SGCZ: variants seen among roughly 807,000 people sequenced by gnomAD.
SGCZ encodes the protein sarcoglycan zeta.
A neutral mutation model predicts 41.3 loss-of-function variants in SGCZ; 40 were observed. That is an observed-to-expected ratio of 0.97 (90% confidence interval 0.75 to 1.26). The LOEUF is 1.26. Ranked by LOEUF, SGCZ falls within the 50% of genes most tolerant of loss-of-function variation. SGCZ has a pLI of 0.00. For synonymous variants in SGCZ, 206 were observed against 137.5 expected (o/e 1.50, Z -3.49); for missense variants, 552 against 369.8 (o/e 1.49, Z -4.04).
At chr8:14,245,534 G>T (rs1344652391) in intron 3 of SGCZ, among the ~76,000 whole-genome samples, 5 of 152,236 alleles carry the variant, frequency 3.3e-5, no homozygotes, top group Admixed American at 1.3e-4. Flanking sequence ...CATAGACATT[G>T]GCAAGGACTT....
chr8:14,380,502 T>G (rs1804321447), intron 2 of SGCZ, among the ~76,000 whole-genome samples: 1 of 152,206 alleles, frequency 6.6e-6, no homozygotes, highest in Non-Finnish European at 1.5e-5. Flanking sequence ...ACTTTATCAA[T>G]TCATTTTGCC....
chr8:14,684,167 C>G (rs954685419), intron 1 of SGCZ, among the ~76,000 whole-genome samples: 1 of 152,118 alleles, frequency 6.6e-6, no homozygotes, highest in Admixed American at 6.6e-5. Flanking sequence ...TCATTTCTAA[C>G]TAAATGAACG....
At chr8:15,197,324 A>T (rs533534397) in intron 1 of SGCZ, among the ~76,000 whole-genome samples, 1 of 152,306 alleles carries the variant, frequency 6.6e-6, no homozygotes, top group African/African-American at 2.4e-5. Flanking sequence ...TTCAGAATAC[A>T]TATGATGGCC....
intron 1 of SGCZ, among the ~76,000 whole-genome samples, chr8:14,714,962 T>A (rs1809639716): frequency 6.6e-6 from 1 of 152,162 alleles, no homozygotes; most frequent in Admixed American, 6.5e-5. Flanking sequence ...ATTTCCTTAT[T>A]GATATGATTT....
intron 1 of SGCZ, among the ~76,000 whole-genome samples, chr8:14,708,760 T>G (rs113532260): frequency 1.3e-5 from 2 of 151,934 alleles, no homozygotes; most frequent in Non-Finnish European, 2.9e-5. Flanking sequence ...TGGAACAAGA[T>G]TCTATATGAT....
At chr8:14,231,970 G>A (rs900596300) in intron 4 of SGCZ, among the ~76,000 whole-genome samples, 2 of 151,858 alleles carry the variant, frequency 1.3e-5, no homozygotes, top group Non-Finnish European at 2.9e-5. Flanking sequence ...AGATATATGT[G>A]TATCTTTTTA....
chr8:14,500,000 A>T (rs1285143040), intron 2 of SGCZ, among the ~76,000 whole-genome samples: 1 of 152,080 alleles, frequency 6.6e-6, no homozygotes, highest in Non-Finnish European at 1.5e-5. Context: ...AAATGAAGGG[A>T]CATTTAAAAT....
intron 1 of SGCZ, among the ~76,000 whole-genome samples, chr8:14,815,750 A>T (rs1160735371): frequency 6.6e-6 from 1 of 152,226 alleles, no homozygotes; most frequent in African/African-American, 2.4e-5. Flanking sequence ...AATATTACAA[A>T]TGAGGGCAAT....
intron 1 of SGCZ, among the ~76,000 whole-genome samples, chr8:14,680,826 T>A (rs28433283): frequency 0.2 from 30,247 of 151,562 alleles, 3,634 homozygotes; most frequent in East Asian, 0.44. Flanking sequence ...CTCCCAAAGA[T>A]GAAAATACAG....
At chr8:15,140,001 G>C (rs934772915) in intron 1 of SGCZ, among the ~76,000 whole-genome samples, 16 of 151,906 alleles carry the variant, frequency 1.1e-4, no homozygotes, top group Non-Finnish European at 2.2e-4. Flanking sequence ...GGGGTTGGGG[G>C]GACGGACACT....
intron 1 of SGCZ, among the ~76,000 whole-genome samples, chr8:15,214,510 G>A (rs1468683050): frequency 1.3e-5 from 2 of 151,944 alleles, no homozygotes; most frequent in Non-Finnish European, 2.9e-5. Context: ...ATAATATCTA[G>A]TATACTAGCT....
At chr8:14,455,455 TACACACACACACACAC>T (rs5889534) in intron 2 of SGCZ, among the ~76,000 whole-genome samples, 1,513 of 144,446 alleles carry the variant, frequency 0.01, 22 homozygotes, top group African/African-American at 0.035. Flanking sequence ...TTTGCATGCA[TACACACACACACACAC>T]ACACACACAC....
chr8:14,107,218 A>G (rs1362336827), intron 6 of SGCZ, among the ~76,000 whole-genome samples: 1 of 141,110 alleles, frequency 7.1e-6, no homozygotes, highest in African/African-American at 2.6e-5. Flanking sequence ...TCCATCTCAA[A>G]AATAAAAATA....
At chr8:14,972,810 T>C (rs1801345675) in intron 1 of SGCZ, among the ~76,000 whole-genome samples, 1 of 152,196 alleles carries the variant, frequency 6.6e-6, no homozygotes, top group Admixed American at 6.5e-5. Context: ...TGTGCTATTG[T>C]AGTCATACAA....
chr8:14,138,525 A>G (rs1266807215), intron 5 of SGCZ, among the ~76,000 whole-genome samples: 7 of 131,414 alleles, frequency 5.3e-5, no homozygotes, highest in African/African-American at 2.0e-4. Context: ...AAAAAAAAAA[A>G]GGGGGGGTTG....
chr8:14,599,389 A>G (rs7007954), intron 1 of SGCZ, among the ~76,000 whole-genome samples: 44,887 of 151,940 alleles, frequency 0.3, 7,227 homozygotes, highest in Middle Eastern at 0.41. Flanking sequence ...AAATTCTCTC[A>G]CCTACTCAGC....
chr8:14,937,052 T>G (rs191441234), intron 1 of SGCZ, among the ~76,000 whole-genome samples: 1 of 151,648 alleles, frequency 6.6e-6, no homozygotes, highest in African/African-American at 2.4e-5. Flanking sequence ...AGAGCAGAGA[T>G]TAATAAGATA....
intron 1 of SGCZ, among the ~76,000 whole-genome samples, chr8:14,615,620 G>A (rs192351822): frequency 2.0e-5 from 3 of 152,174 alleles, no homozygotes; most frequent in Admixed American, 2.0e-4. Context: ...ACATCACCCC[G>A]GAAGAACCCA....
chr8:14,419,950 T>C (rs1337741764), intron 2 of SGCZ, among the ~76,000 whole-genome samples: 1 of 152,082 alleles, frequency 6.6e-6, no homozygotes, highest in Non-Finnish European at 1.5e-5. Flanking sequence ...GAACAATGGT[T>C]TATTTTCTGC....
Sources: allele counts gnomAD v4.1 joint callset (sites outside exome capture counted in the v4.1 genomes callset), GRCh38; gene constraint gnomAD v4.1.1; transcripts MANE v1.5; gene names NCBI Gene and HGNC (gene_info 2026-07-23, HGNC 2026-07-21).